HECW1: variants seen among roughly 807,000 people sequenced by gnomAD.
The protein encoded by HECW1 is E3 ubiquitin-protein ligase HECW1.
HECW1 carries 61 observed loss-of-function variants against 182.3 expected under a neutral mutation model. The ratio of observed to expected loss-of-function variants is 0.33; its 90% CI spans 0.27 to 0.41. The LOEUF (loss-of-function observed/expected upper bound fraction) is 0.41, where lower values mean the gene tolerates loss of function less well. Ranked by LOEUF, HECW1 falls within the 10% of genes least tolerant of loss-of-function variation. HECW1 has a pLI of 1.00. For synonymous variants in HECW1, 859 were observed against 832.6 expected (o/e 1.03, Z -0.55); for missense variants, 1,739 against 2,108.9 (o/e 0.82, Z 3.44).
At chr7:43,212,386 A>G (rs1202265901) in intron 2 of HECW1, among the ~76,000 whole-genome samples, 1 of 152,218 alleles carries the variant, frequency 6.6e-6, no homozygotes, top group East Asian at 1.9e-4. Flanking sequence ...ATTATATACT[A>G]GCTGCTAGAC....
At chr7:43,457,940 C>T (rs376988550) in intron 13 of HECW1, among the ~76,000 whole-genome samples, 12 of 152,162 alleles carry the variant, frequency 7.9e-5, no homozygotes, top group African/African-American at 2.9e-4. Context: ...CATCAGCAGC[C>T]GAGTGTTTTA....
At chr7:43,240,465 A>G (rs572735610) in intron 2 of HECW1, among the ~76,000 whole-genome samples, 6 of 152,236 alleles carry the variant, frequency 3.9e-5, no homozygotes, top group Non-Finnish European at 7.3e-5. Context: ...ACCGAATGAA[A>G]GAGGAGGGAA....
chr7:43,398,739 T>C (rs1184538178), intron 7 of HECW1, among the ~76,000 whole-genome samples: 2 of 152,188 alleles, frequency 1.3e-5, no homozygotes, highest in Non-Finnish European at 2.9e-5. Context: ...CACAGAACTG[T>C]CTGTGCAGGA....
intron 6 of HECW1, among the ~76,000 whole-genome samples, chr7:43,395,310 T>C (rs1768155328): frequency 6.6e-6 from 1 of 152,232 alleles, no homozygotes. Context: ...CTAAAGTTAG[T>C]TCAGCCTATG....
chr7:43,541,813 T>G, intron 25 of HECW1, 56 bp from the exon 26 acceptor site: 1 of 1,359,884 alleles, frequency 7.4e-7, no homozygotes, highest in East Asian at 2.7e-5. Context: ...CATTTTGAAG[T>G]GAGGTCTGGG....
chr7:43,466,566 T>C lies in HECW1; in HGVS notation c.2911T>C (p.Tyr971His). The change falls in exon 15 of 30, where the codon TAT (tyrosine) becomes CAT (histidine). Residue 971 changes from tyrosine (Y) to histidine (H), a missense_variant and splice_region_variant. By Grantham distance (83) the Tyr-to-His change is moderately conservative. Around this residue, in one of 5 missense-constraint regions of HECW1, gnomAD observed 971 missense variants for 1,029.1 expected, o/e 0.94. Coordinates refer to ENST00000395891, the MANE Select transcript of HECW1 (RefSeq NM_015052.5). Reference sequence around the variant, plus strand: ...GTTCTTCACTGTGCTACATGCCAATTATGTGAGTGCCCTAAAATGCAGAGG... The same window carrying C: ...GTTCTTCACTGTGCTACATGCCAATCATGTGAGTGCCCTAAAATGCAGAGG... ...PEFFTVLHAN[Y>H]SAYRVFTSST... The C allele has an allele frequency of 6.2e-7, 1 of 1,612,770 alleles. No homozygotes were observed. Among genetic ancestry groups the C allele is most frequent in the Non-Finnish European group, 8.5e-7 (1 of 1,179,690 alleles).
At chr7:43,152,460 T>C (rs1789442215) in intron 2 of HECW1, among the ~76,000 whole-genome samples, 1 of 152,208 alleles carries the variant, frequency 6.6e-6, no homozygotes, top group African/African-American at 2.4e-5. Context: ...TTAAAATATG[T>C]TGGATAGAAG....
At chr7:43,533,478 G>A (rs2081067262) in intron 24 of HECW1, among the ~76,000 whole-genome samples, 1 of 152,118 alleles carries the variant, frequency 6.6e-6, no homozygotes, top group African/African-American at 2.4e-5. Context: ...CATTACAATG[G>A]TGTCCTGGAG....
chr7:43,445,215 G>A lies in HECW1; in HGVS notation c.2043G>A (p.Ser681=), dbSNP rs776581368. 6.2e-7 allele frequency: 1 copy of A among 1,612,988 alleles called. No homozygotes were observed. The highest frequency in any genetic ancestry group is 1.1e-5 in the South Asian group (1 of 91,044). The part of the protein sequence containing the change: ...EGCDASCCSP[S]CYSSSCYSTS... ...GTGACGCGTCCTGCTGCAGCCCCTC[G>A]TGCTACAGCTCCTCGTGCTACAGCA... Residue 681 remains serine, a synonymous_variant, in exon 11 of 30, where the codon TCG becomes TCA. Transcript: ENST00000395891.
chr7:43,507,397 A>G (rs2079629081), intron 22 of HECW1, 140 bp downstream of exon 22: 4 of 774,628 alleles, frequency 5.2e-6, no homozygotes, highest in Non-Finnish European at 5.9e-6. Context: ...GGAAGAAGGA[A>G]GTTGGGAAGC....
intron 3 of HECW1, among the ~76,000 whole-genome samples, chr7:43,260,034 A>G (rs748340969): frequency 1.6e-4 from 25 of 152,358 alleles, no homozygotes; most frequent in Non-Finnish European, 2.8e-4. Flanking sequence ...ACTTCTGAAA[A>G]CCAAAGATAA....
At chr7:43,323,118 C>T (rs1386658989) in intron 5 of HECW1, among the ~76,000 whole-genome samples, 1 of 152,032 alleles carries the variant, frequency 6.6e-6, no homozygotes, top group East Asian at 1.9e-4. Flanking sequence ...TTGCATGGCC[C>T]AACACACCAA....
chr7:43,214,756 G>A (rs971136796), intron 2 of HECW1, among the ~76,000 whole-genome samples: 7 of 152,220 alleles, frequency 4.6e-5, no homozygotes, highest in Non-Finnish European at 8.8e-5. Flanking sequence ...AGGTGGGCAC[G>A]GGCACTAGCC....
At position 43,562,002 on chromosome 7, in the gene HECW1, C is replaced by T. The variant is rs2082222268; in HGVS notation, c.*76C>T. 1.2e-6 allele frequency: 1 copy of T among 812,268 alleles called. No homozygotes were observed. The allele number at this position is 812,268 out of a possible 1,614,324, so 50.3% of individuals were successfully genotyped here. A position where few individuals can be genotyped will look rare whatever the true frequency, so the allele number is the denominator to read the frequency against. On this transcript the variant is annotated 3_prime_UTR_variant, in exon 30 of 30. Coordinates refer to ENST00000395891, the MANE Select transcript of HECW1 (RefSeq NM_015052.5). ...TGGGATGATCCCCTTTTCCCTTTCC[C>T]TTAATCAACTCTCCTTTGATTTTGG...
chr7:43,417,620 C>T (rs193281532), intron 8 of HECW1, among the ~76,000 whole-genome samples: 96 of 152,164 alleles, frequency 6.3e-4, no homozygotes, highest in Non-Finnish European at 1.2e-3. Flanking sequence ...CCCAGCTACT[C>T]GGGAGGCTGC....
At chr7:43,503,321 A>G (rs984356550) in intron 21 of HECW1, among the ~76,000 whole-genome samples, 3 of 152,294 alleles carry the variant, frequency 2.0e-5, no homozygotes, top group Admixed American at 2.0e-4. Context: ...TTTGGGGGGA[A>G]AAGTTTGGAG....
chr7:43,561,816 G>A lies in HECW1; in HGVS notation c.4711G>A (p.Ala1571Thr), dbSNP rs775047851. ...CACCAATCTCTTCTCCCCATTCAGG[G>A]CACACACATGCTTCAACCGACTGGA... ...KWGKITSLPR[A>T]HTCFNRLDLP... The change falls in exon 30 of 30, where the codon GCA becomes ACA. Residue 1571 changes from alanine to threonine, a missense_variant and splice_region_variant. Coordinates refer to ENST00000395891, the MANE Select transcript of HECW1 (RefSeq NM_015052.5). The A allele has an allele frequency of 1.9e-6, 3 of 1,604,924 alleles. No individual in the cohort carries two copies. The highest frequency in any genetic ancestry group is 3.3e-5 in the Admixed American group (2 of 59,968).
intron 2 of HECW1, among the ~76,000 whole-genome samples, chr7:43,200,259 T>C (rs1342437154): frequency 6.6e-6 from 1 of 152,222 alleles, no homozygotes; most frequent in Non-Finnish European, 1.5e-5. Flanking sequence ...CCTTCTATAA[T>C]TGATTAATAC....
Position 43,516,330 on chromosome 7 carries a change from C to T in HECW1, c.4019+7209C>T, listed in dbSNP as rs578126499. Among the ~76,000 whole-genome samples the T allele has an allele frequency of 2.0e-4, 30 of 151,992 alleles. 1 individual carries two copies. In the South Asian group the frequency reaches 6.2e-3, roughly 32 times the overall value. The stretch of plus-strand genomic sequence containing the variant: ...ATGGTTGAGTGGAAGGATGGATGGA[C>T]GGATGGAATACTTCTCAGGTAAAAC... On this transcript the variant is annotated intron_variant, in intron 24 of 29. Coordinates refer to ENST00000395891, the MANE Select transcript of HECW1 (RefSeq NM_015052.5).
Sources: allele counts gnomAD v4.1 joint callset (sites outside exome capture counted in the v4.1 genomes callset), GRCh38; gene constraint gnomAD v4.1.1; regional missense constraint gnomAD v4.1.1; transcripts MANE v1.5; gene names NCBI Gene and HGNC (gene_info 2026-07-23, HGNC 2026-07-21).